Variants in CARM1 observed in about 807,000 individuals in gnomAD.
The protein encoded by CARM1 is histone-arginine methyltransferase CARM1.
A neutral mutation model predicts 72.7 loss-of-function variants in CARM1; 14 were observed. That is an observed-to-expected ratio of 0.19 (90% CI 0.13 to 0.30). The LOEUF (loss-of-function observed/expected upper bound fraction) is 0.30, where lower values mean the gene tolerates loss of function less well. Among genes scored for constraint, CARM1 ranks in the 10% least tolerant of loss-of-function variants. The pLI, the probability that CARM1 is intolerant of heterozygous loss-of-function variation, is 1.00. For missense variants in CARM1, 432 were observed against 833.7 expected (o/e 0.52, Z 5.93); for synonymous variants, 333 against 345.5 (o/e 0.96, Z 0.40).
rs895714221 is a variant in CARM1 at position 10,922,951 on chromosome 19, G to C, written c.*1194G>C. 2 of 204,360 alleles carry C rather than the reference G, an allele frequency of 9.8e-6. No homozygotes were observed. Among genetic ancestry groups the C allele is most frequent in the African/African-American group, 2.4e-5 (1 of 42,152 alleles). The allele number at this position is 204,360 out of a possible 1,614,324, so 12.7% of individuals were successfully genotyped here. ...CCATAGGAGGGAAAGCAGGTGGCCCGGGGGGGATATGGGGGCCCCAGCCCT... is the reference window on the plus strand; with the variant it reads ...CCATAGGAGGGAAAGCAGGTGGCCCCGGGGGGATATGGGGGCCCCAGCCCT... On this transcript the variant is annotated 3_prime_UTR_variant, in exon 16 of 16. Coordinates refer to ENST00000327064, the MANE Select transcript of CARM1 (RefSeq NM_199141.2).
In CARM1 at chr19:10,919,858, A is replaced by G; in HGVS notation, c.1107-19A>G. 6.2e-7 allele frequency: 1 copy of G among 1,601,426 alleles called. No homozygotes were observed. The highest frequency in any genetic ancestry group is 8.6e-7 in the Non-Finnish European group (1 of 1,168,494). ...CGCCTGTCTGGCTTCCCCAGCAGCC[A>G]CTGCCCTTTGCCTTCCAGGATAGAA... On this transcript the variant is annotated intron_variant, in intron 9 of 15. Coordinates refer to ENST00000327064, the MANE Select transcript of CARM1 (RefSeq NM_199141.2).
At chr19:10,900,743 G>T (rs1004962102) in intron 1 of CARM1, among the ~76,000 whole-genome samples, 11 of 152,134 alleles carry the variant, frequency 7.2e-5, no homozygotes, top group Admixed American at 3.9e-4. Flanking sequence ...GGGTGCAGTG[G>T]CGTGATCTCG....
Position 10,921,820 on chromosome 19 carries a change from C to G in CARM1, c.*63C>G. 1.3e-6 allele frequency: 2 copies of G among 1,497,356 alleles called. No homozygotes were observed. Among genetic ancestry groups the G allele is most frequent in the South Asian group, 2.6e-5 (2 of 77,594 alleles). The allele number at this position is 1,497,356 out of a possible 1,614,324, so 92.8% of individuals were successfully genotyped here. On this transcript the variant is annotated 3_prime_UTR_variant, in exon 16 of 16. Coordinates refer to ENST00000327064, the MANE Select transcript of CARM1 (RefSeq NM_199141.2). The stretch of plus-strand genomic sequence containing the variant: ...ATGATGTCCCTGCCCGCCGCCCCCG[C>G]CGGGCGGCTTTCCCCCTTGTACTGG...
At chr19:10,881,245 TG>T (rs1257480222) in intron 1 of CARM1, among the ~76,000 whole-genome samples, 2 of 152,242 alleles carry the variant, frequency 1.3e-5, no homozygotes, top group African/African-American at 4.8e-5. Flanking sequence ...CCTGTGTGCC[TG>T]GCCCGAAGTA....
In CARM1 at chr19:10,921,084, T is replaced by C. The variant is rs371711210; in HGVS notation, c.1572T>C (p.Ile524=). ...MPTAYDLSSV[I]ASGSSVGHNN... Reference sequence around the variant, plus strand: ...CCGCCTATGACTTGAGCAGTGTTATTGCCAGTGGCTCCAGCGTGGGCCACA... The same window carrying C: ...CCGCCTATGACTTGAGCAGTGTTATCGCCAGTGGCTCCAGCGTGGGCCACA... The change falls in exon 14 of 16, where the codon ATT becomes ATC. Residue 524 remains isoleucine (I), a synonymous_variant. Transcript: ENST00000327064. 3 of 1,614,068 alleles carry C rather than the reference T, an allele frequency of 1.9e-6. No individual in the cohort carries two copies. The African/African-American group carries it at 4.0e-5, about 22-fold the overall frequency.
chr19:10,921,012 T>G, intron 13 of CARM1, 38 bp from the exon 14 acceptor site: 2 of 1,612,074 alleles, frequency 1.2e-6, no homozygotes, highest in Non-Finnish European at 1.7e-6. Flanking sequence ...GCCTGGCCCC[T>G]CTGCCTCCAG....
intron 1 of CARM1, among the ~76,000 whole-genome samples, chr19:10,890,793 ATATTTTTTTTTTT>A (rs2073981674): frequency 1.2e-5 from 1 of 83,812 alleles, no homozygotes; most frequent in Non-Finnish European, 2.1e-5. Flanking sequence ...ATATATATAT[ATATTTTTTTTTTT>A]TTTTTTTTTT....
intron 1 of CARM1, among the ~76,000 whole-genome samples, chr19:10,898,645 G>A (rs1265202110): frequency 1.3e-5 from 2 of 152,188 alleles, no homozygotes; most frequent in African/African-American, 2.4e-5. Flanking sequence ...AGTTTCCTGC[G>A]GGCAGGGCTG....
intron 1 of CARM1, among the ~76,000 whole-genome samples, chr19:10,882,383 C>T (rs1470815577): frequency 6.6e-6 from 1 of 152,064 alleles, no homozygotes; most frequent in East Asian, 1.9e-4. Context: ...CCTCAGTGTC[C>T]CCGAATCTCA....
intron 1 of CARM1, among the ~76,000 whole-genome samples, chr19:10,891,559 G>C (rs1255800694): frequency 6.6e-6 from 1 of 152,214 alleles, no homozygotes; most frequent in African/African-American, 2.4e-5. Context: ...TCACAGAAGA[G>C]GCTCAGGGCC....
chr19:10,921,539 T>A lies in CARM1; in HGVS notation c.1685-76T>A, dbSNP rs939203499. On this transcript the variant is annotated intron_variant, in intron 15 of 15. Transcript: ENST00000327064. ...CGCCCGCCTGCCCTCTTGCCTGCCC[T>A]TTCTCTCTCTCTGTGACTCTGCCTG... 6.4e-6 allele frequency: 10 copies of A among 1,568,844 alleles called. No individual in the cohort carries two copies. The East Asian group carries it at 2.3e-4, about 35-fold the overall frequency.
intron 1 of CARM1, among the ~76,000 whole-genome samples, chr19:10,882,049 G>A (rs2073905877): frequency 6.6e-6 from 1 of 152,122 alleles, no homozygotes; most frequent in Non-Finnish European, 1.5e-5. Flanking sequence ...CTCTAGCAGG[G>A]GCCAGCTGGC....
intron 1 of CARM1, among the ~76,000 whole-genome samples, chr19:10,880,481 G>C (rs1568345596): frequency 6.6e-6 from 1 of 151,986 alleles, no homozygotes; most frequent in Non-Finnish European, 1.5e-5. Flanking sequence ...CTACAGGCTG[G>C]GACCACAGGC....
At chr19:10,884,818 C>G (rs1046988115) in intron 1 of CARM1, among the ~76,000 whole-genome samples, 1 of 152,190 alleles carries the variant, frequency 6.6e-6, no homozygotes, top group Non-Finnish European at 1.5e-5. Context: ...GATTCTCCTC[C>G]CTCAGCCTCC....
At chr19:10,910,913 CAG>C (rs887497710) in intron 4 of CARM1, among the ~76,000 whole-genome samples, 1 of 151,134 alleles carries the variant, frequency 6.6e-6, no homozygotes, top group Non-Finnish European at 1.5e-5. Context: ...TTTTTTGAGA[CAG>C]ATTCTCACTC....
rs1383632537 is a variant in CARM1 at position 10,915,518 on chromosome 19, C to T, written c.848-889C>T. Among the ~76,000 whole-genome samples, 1 of 152,128 alleles carries T rather than the reference C, an allele frequency of 6.6e-6. No individual in the cohort carries two copies. Among genetic ancestry groups the T allele is most frequent in the Non-Finnish European group, 1.5e-5 (1 of 67,994 alleles). On this transcript the variant is annotated intron_variant, in intron 6 of 15. Transcript: ENST00000327064. The surrounding 1 kb of genome is among the most constrained non-coding windows in gnomAD (Gnocchi z 4.6). Reference sequence around the variant, plus strand: ...TTCTGGTCAGCAGGAGCCAGAGGTTCCTTCCAGGCTGGGTCACTTCCCATG... The same window carrying T: ...TTCTGGTCAGCAGGAGCCAGAGGTTTCTTCCAGGCTGGGTCACTTCCCATG...
At chr19:10,890,358 C>A (rs1016382204) in intron 1 of CARM1, among the ~76,000 whole-genome samples, 2 of 150,920 alleles carry the variant, frequency 1.3e-5, no homozygotes, top group Non-Finnish European at 2.9e-5. Flanking sequence ...ACCTCCGCCT[C>A]CCGGGTTCAA....
In CARM1 at chr19:10,909,885, T is replaced by G. The variant is rs191274332; in HGVS notation, c.558+678T>G. On this transcript the variant is annotated intron_variant, in intron 4 of 15. Coordinates refer to ENST00000327064, the MANE Select transcript of CARM1 (RefSeq NM_199141.2). ...CCGCTACCCCTCAGTATGAGGTCTC[T>G]TCTTCAAGATTTTTCCCCATACAGA... Among the ~76,000 whole-genome samples the G allele has an allele frequency of 1.3e-3, 201 of 152,366 alleles. 2 individuals are homozygous for G. The highest frequency in any genetic ancestry group is 4.5e-3 in the African/African-American group (188 of 41,592).
rs1365408758 is a variant in CARM1, at chr19:10,920,070, C to T, written c.1196+104C>T. The T allele has an allele frequency of 4.6e-6, 4 of 868,216 alleles. No individual in the cohort carries two copies. The highest frequency in any genetic ancestry group is 7.6e-6 in the Non-Finnish European group (4 of 528,056). 53.8% of individuals were successfully genotyped at this position (868,216 alleles called of 1,614,324 possible). On this transcript the variant is annotated intron_variant, in intron 10 of 15. Transcript: ENST00000327064. The surrounding 1 kb of genome is among the most constrained non-coding windows in gnomAD (Gnocchi z 5.3). Reference sequence around the variant, plus strand: ...GGAACATGGCTCCAGGTTCCACCATCCCTTCCAATGGGAGTGAGAGCCTGT... The same window carrying T: ...GGAACATGGCTCCAGGTTCCACCATTCCTTCCAATGGGAGTGAGAGCCTGT...
Sources: allele counts gnomAD v4.1 joint callset (sites outside exome capture counted in the v4.1 genomes callset), GRCh38; gene constraint gnomAD v4.1.1; non-coding constraint Gnocchi (gnomAD v3.1); transcripts MANE v1.5; gene names NCBI Gene and HGNC (gene_info 2026-07-23, HGNC 2026-07-21).